SBNO2: variants seen among roughly 807,000 people sequenced by gnomAD.
SBNO2 encodes the protein strawberry notch homolog 2, also known as protein strawberry notch homolog 2.
SBNO2 carries 89 observed loss-of-function variants against 146.3 expected under a neutral mutation model. The ratio of observed to expected loss-of-function variants is 0.61; its 90% CI spans 0.51 to 0.73. The LOEUF (loss-of-function observed/expected upper bound fraction) is 0.73. Ranked by LOEUF, SBNO2 falls within the 30% of genes least tolerant of loss-of-function variation. SBNO2 has a pLI of 0.00. For synonymous variants in SBNO2, 1,147 were observed against 892.6 expected, an observed-to-expected ratio of 1.29 and a Z score of -5.08; for missense variants, 2,092 against 2,003.7, an observed-to-expected ratio of 1.04 and a Z score of -0.84.
intron 16 of SBNO2, among the ~76,000 whole-genome samples, chr19:1,116,528 C>T (rs1296982919): frequency 6.6e-6 from 1 of 152,100 alleles, no homozygotes; most frequent in African/African-American, 2.4e-5. Flanking sequence ...AGGGCCAGCC[C>T]CTAAAATCCA....
In SBNO2 at chr19:1,112,118, G is replaced by C; in HGVS notation, c.2629-51C>G. ...TTGGTCACCTGGGGTCTGGCCTCTA[G>C]CACCCCACAAAGCTTTGGAGAGCCT... is the stretch of plus-strand genomic sequence containing the variant. On this transcript the variant is annotated intron_variant, in intron 22 of 31. Transcript: ENST00000361757. The surrounding 1 kb of genome is among the most constrained non-coding windows in gnomAD (Gnocchi z 5.9). 7.5e-6 allele frequency: 12 copies of C among 1,606,720 alleles called. No individual in the cohort carries two copies. Among genetic ancestry groups the C allele is most frequent in the Non-Finnish European group, 1.0e-5 (12 of 1,176,358 alleles).
In SBNO2 at chr19:1,109,682, C is replaced by G; in HGVS notation, c.3123+1G>C. 1 of 1,607,410 alleles carries G rather than the reference C, an allele frequency of 6.2e-7. No homozygotes were observed. The highest frequency in any genetic ancestry group is 2.2e-5 in the East Asian group (1 of 44,692). ...GAGGGGCTGTGGGGCTTCCTGCTGA[C>G]CTTGTAGAAGACCACCTGCCCGTCC... On this transcript the variant is annotated splice_donor_variant, in intron 27 of 31. Coordinates refer to ENST00000361757, the MANE Select transcript of SBNO2 (RefSeq NM_014963.3). LOFTEE classifies it high-confidence loss of function. The surrounding 1 kb of genome is among the most constrained non-coding windows in gnomAD (Gnocchi z 4.2).
rs1194036901 is a variant in SBNO2 at position 1,144,351 on chromosome 19, C to T, written c.279+2958G>A. Among the ~76,000 whole-genome samples, 1 of 152,124 alleles carries T rather than the reference C, an allele frequency of 6.6e-6. No individual in the cohort carries two copies. Among genetic ancestry groups the T allele is most frequent in the East Asian group, 1.9e-4 (1 of 5,190 alleles). ...CTGCTTTAACAGGGAGATTTGGGTC[C>T]AAGCTGCCCCACATACGGACGCTGG... On this transcript the variant is annotated intron_variant, in intron 4 of 31. Coordinates refer to ENST00000361757, the MANE Select transcript of SBNO2 (RefSeq NM_014963.3). This position sits in a 1 kb window ranked among gnomAD's most constrained non-coding sequence, Gnocchi z 4.1.
intron 4 of SBNO2, among the ~76,000 whole-genome samples, chr19:1,139,776 C>CA (rs1317906630): frequency 1.3e-5 from 2 of 151,920 alleles, no homozygotes; most frequent in Non-Finnish European, 2.9e-5. Context: ...GCCTGGGAGA[C>CA]AGAGTGAGAC....
In SBNO2 at chr19:1,108,101, C is replaced by T. The variant is rs1374640288; in HGVS notation, c.*119G>A. The T allele has an allele frequency of 1.5e-5, 17 of 1,162,072 alleles. No homozygotes were observed. The Admixed American group carries it at 1.7e-4, about 12-fold the overall frequency. The allele number at this position is 1,162,072 out of a possible 1,614,324, so 72.0% of individuals were successfully genotyped here. A position where few individuals can be genotyped will look rare whatever the true frequency, so the allele number is the denominator to read the frequency against. ...CCCGGGTCGGGCGCTGAAGGCACTG[C>T]GGCCAGGGCCTAGGGCTCCTCTGAG... On this transcript the variant is annotated 3_prime_UTR_variant, in exon 32 of 32. Coordinates refer to ENST00000361757, the MANE Select transcript of SBNO2 (RefSeq NM_014963.3).
At chr19:1,127,132 C>A (rs2079974461) in intron 5 of SBNO2, among the ~76,000 whole-genome samples, 1 of 152,226 alleles carries the variant, frequency 6.6e-6, no homozygotes, top group Non-Finnish European at 1.5e-5. Flanking sequence ...CTGGATGCCA[C>A]CACAGGTGCT....
In SBNO2 at chr19:1,132,284, A is replaced by ACCG; in HGVS notation, c.280-4522_280-4520dup. 2.3e-6 allele frequency: 3 copies of ACCG among 1,309,176 alleles called. No homozygotes were observed. The South Asian group carries it at 6.2e-5, about 27-fold the overall frequency. The allele number at this position is 1,309,176 out of a possible 1,614,324, so 81.1% of individuals were successfully genotyped here. A position where few individuals can be genotyped will look rare whatever the true frequency, so the allele number is the denominator to read the frequency against. ...GCTGCATTTGCATGTCGGTTTAGTC[A>ACCG]CCGCCGCCGGCGCCTACTTCCTCTA... On this transcript the variant is annotated intron_variant, in intron 4 of 31. Coordinates refer to ENST00000361757, the MANE Select transcript of SBNO2 (RefSeq NM_014963.3).
intron 11 of SBNO2, 45 bp downstream of exon 11, chr19:1,122,094 C>T (rs1186645040): frequency 2.2e-6 from 3 of 1,334,968 alleles, no homozygotes; most frequent in Admixed American, 7.1e-5. Flanking sequence ...TTCCCTCCGA[C>T]CCCCTAATCC....
intron 4 of SBNO2, among the ~76,000 whole-genome samples, chr19:1,131,425 G>T (rs1267950896): frequency 1.3e-4 from 8 of 63,454 alleles, no homozygotes; most frequent in African/African-American, 5.8e-4. Flanking sequence ...GGAGCTGGGA[G>T]GACCTGGCTG....
At chr19:1,116,370 G>A (rs2079832049) in intron 16 of SBNO2, among the ~76,000 whole-genome samples, 1 of 150,904 alleles carries the variant, frequency 6.6e-6, no homozygotes, top group Admixed American at 6.6e-5. Context: ...TGGCTCCCAG[G>A]ACAGGGGCAG....
At chr19:1,127,406 C>T (rs1202152182) in intron 5 of SBNO2, 198 bp downstream of exon 5, 17 of 602,970 alleles carry the variant, frequency 2.8e-5, no homozygotes, top group South Asian at 1.4e-4. Flanking sequence ...TCCTGGACGT[C>T]GCCTTCTCCT....
intron 1 of SBNO2, among the ~76,000 whole-genome samples, chr19:1,168,032 T>C (rs545930765): frequency 1.7e-4 from 26 of 151,950 alleles, no homozygotes; most frequent in African/African-American, 6.3e-4. Context: ...GCCACACAGG[T>C]GCACCCCTGG....
At position 1,147,913 on chromosome 19, in the gene SBNO2, A is replaced by T. The variant is rs149745971; in HGVS notation, c.168-493T>A. ...CCCGCCCTGTCACCCTGAGGATGGC[A>T]AAGGACACAGCAAGGAGAAGGTCCT... On this transcript the variant is annotated intron_variant, in intron 3 of 31. Coordinates refer to ENST00000361757, the MANE Select transcript of SBNO2 (RefSeq NM_014963.3). Among the ~76,000 whole-genome samples, 1,135 of 152,226 alleles carry T rather than the reference A, an allele frequency of 7.5e-3. 9 individuals are homozygous for T. The highest frequency in any genetic ancestry group is 0.026 in the African/African-American group (1,071 of 41,530).
chr19:1,168,771 G>C (rs959511636), intron 1 of SBNO2: 9 of 152,216 alleles, frequency 5.9e-5, no homozygotes, highest in Non-Finnish European at 1.0e-4. Context: ...TGGCGGGCAG[G>C]GACTTTCTCC....
intron 1 of SBNO2, among the ~76,000 whole-genome samples, chr19:1,159,008 C>T (rs964372364): frequency 2.0e-5 from 3 of 149,198 alleles, no homozygotes; most frequent in Non-Finnish European, 3.0e-5. Context: ...CACCTGCACC[C>T]GCGACCCCAC....
chr19:1,111,196 G>A, intron 24 of SBNO2, 103 bp from the exon 25 acceptor site: 1 of 1,332,656 alleles, frequency 7.5e-7, no homozygotes, highest in Admixed American at 2.3e-5. Context: ...GGGGGCTGGG[G>A]AGCAGCTGCA....
chr19:1,126,403 A>G lies in SBNO2; in HGVS notation c.441+1201T>C, dbSNP rs1010876940. The stretch of plus-strand genomic sequence containing the variant: ...TCGTGCCGGCCACAGCAGGCCGGTC[A>G]GGCCCTGGCTTCTTTCCTCACGCCC... On this transcript the variant is annotated intron_variant, in intron 5 of 31. Coordinates refer to ENST00000361757, the MANE Select transcript of SBNO2 (RefSeq NM_014963.3). This position sits in a 1 kb window ranked among gnomAD's most constrained non-coding sequence, Gnocchi z 4.4. Among the ~76,000 whole-genome samples, 2 of 152,134 alleles carry G rather than the reference A, an allele frequency of 1.3e-5. No homozygotes were observed. The highest frequency in any genetic ancestry group is 2.9e-5 in the Non-Finnish European group (2 of 68,012).
At chr19:1,146,328 C>A (rs983618255) in intron 4 of SBNO2, among the ~76,000 whole-genome samples, 1 of 152,108 alleles carries the variant, frequency 6.6e-6, no homozygotes, top group African/African-American at 2.4e-5. Flanking sequence ...AAACTGGGCC[C>A]GGGGTCCACC....
intron 2 of SBNO2, among the ~76,000 whole-genome samples, chr19:1,151,541 G>A (rs562766232): frequency 6.6e-6 from 1 of 152,344 alleles, no homozygotes; most frequent in East Asian, 1.9e-4. Context: ...AGTCTTCCCT[G>A]GGACCTTCTC....
Sources: allele counts gnomAD v4.1 joint callset (sites outside exome capture counted in the v4.1 genomes callset), GRCh38; gene constraint gnomAD v4.1.1; non-coding constraint Gnocchi (gnomAD v3.1); transcripts MANE v1.5; gene names NCBI Gene and HGNC (gene_info 2026-07-23, HGNC 2026-07-21).